ANTXR2: variants seen among roughly 807,000 people sequenced by gnomAD.
ANTXR2 encodes ANTXR cell adhesion molecule 2, also known as anthrax toxin receptor 2.
Under a neutral mutation model 73.7 loss-of-function variants are expected in ANTXR2, and 44 were observed. The observed-to-expected ratio is 0.60, with a 90% CI of 0.47 to 0.77. ANTXR2 has a LOEUF of 0.77. Among genes scored for constraint, ANTXR2 ranks in the 30% least tolerant of loss-of-function variants. The pLI is 0.00. For synonymous variants in ANTXR2, 217 were observed against 205.9 expected (o/e 1.05, Z -0.46); for missense variants, 604 against 592.5 (o/e 1.02, Z -0.20).
intron 16 of ANTXR2, among the ~76,000 whole-genome samples, chr4:79,930,286 T>A (rs1039828494): frequency 1.3e-5 from 2 of 152,126 alleles, no homozygotes; most frequent in Non-Finnish European, 2.9e-5. Context: ...TTAGGAGAAC[T>A]TATATAAGAG....
At chr4:79,927,966 A>C (rs1013814031) in intron 16 of ANTXR2, among the ~76,000 whole-genome samples, 1 of 152,228 alleles carries the variant, frequency 6.6e-6, no homozygotes, top group Non-Finnish European at 1.5e-5. Context: ...TCCTCAAAAA[A>C]TTAAACATAG....
At chr4:79,934,371 A>T (rs1728177739) in intron 16 of ANTXR2, among the ~76,000 whole-genome samples, 1 of 152,110 alleles carries the variant, frequency 6.6e-6, no homozygotes, top group African/African-American at 2.4e-5. Context: ...TACTAAAAAT[A>T]CAAAAATTAG....
In ANTXR2 at chr4:80,069,522, A is replaced by G; in HGVS notation, c.225-15T>C. On this transcript the variant is annotated splice_polypyrimidine_tract_variant and intron_variant, in intron 2 of 16. Coordinates refer to ENST00000403729, the MANE Select transcript of ANTXR2 (RefSeq NM_058172.6). Reference sequence around the variant, plus strand: ...TCATTTCAGGGCTGCAAAATAAGAAAAGAGGCAGTTAAAACATTTTTAAAA... The same window carrying G: ...TCATTTCAGGGCTGCAAAATAAGAAGAGAGGCAGTTAAAACATTTTTAAAA... 6.4e-7 allele frequency: 1 copy of G among 1,563,140 alleles called. No homozygotes were observed. Among genetic ancestry groups the G allele is most frequent in the Non-Finnish European group, 8.7e-7 (1 of 1,142,864 alleles).
In ANTXR2 at chr4:79,972,920, T is replaced by TAAAAAAAAAAAA. The variant is rs746252575; in HGVS notation, c.1428+4689_1428+4700dup. 5.8e-3 allele frequency among the ~76,000 whole-genome samples: 309 copies of TAAAAAAAAAAAA among 52,992 alleles called. 6 individuals are homozygous for TAAAAAAAAAAAA. The highest frequency in any genetic ancestry group is 0.045 in the African/African-American group (291 of 6,536). 34.8% of individuals were successfully genotyped at this position (52,992 alleles called of 152,430 possible). On this transcript the variant is annotated intron_variant, in intron 16 of 16. Coordinates refer to ENST00000403729, the MANE Select transcript of ANTXR2 (RefSeq NM_058172.6). ...ATGTACCCTAAAACTTAGAGTATAA[T>TAAAAAAAAAAAA]AAAAAAAAAAAAAAAAAAAGAATAG...
intron 16 of ANTXR2, among the ~76,000 whole-genome samples, chr4:79,928,366 G>A (rs2109956693): frequency 6.6e-6 from 1 of 152,236 alleles, no homozygotes; most frequent in Non-Finnish European, 1.5e-5. Context: ...GGACAGAATT[G>A]GGAATTATTG....
intron 3 of ANTXR2, among the ~76,000 whole-genome samples, chr4:80,065,332 C>G (rs186516631): frequency 7.2e-5 from 11 of 152,240 alleles, no homozygotes; most frequent in African/African-American, 2.6e-4. Flanking sequence ...TTTTCTCTTA[C>G]CTAACCCTAT....
Position 79,909,193 on chromosome 4 carries a change from CT to C in ANTXR2, c.1429-1727del, listed in dbSNP as rs1479963828. On this transcript the variant is annotated intron_variant, in intron 16 of 16. Transcript: ENST00000403729. The stretch of plus-strand genomic sequence containing the variant: ...CAGCAAAGATATAAATTAATGACAT[CT>C]TTTTCTTGTGTATTTGTAGACCAAA... Among the ~76,000 whole-genome samples the C allele has an allele frequency of 2.6e-5, 4 of 152,202 alleles. No individual in the cohort carries two copies. The East Asian group carries it at 5.8e-4, about 22-fold the overall frequency.
At chr4:79,962,466 T>C (rs1000879000) in intron 16 of ANTXR2, among the ~76,000 whole-genome samples, 3 of 152,132 alleles carry the variant, frequency 2.0e-5, no homozygotes, top group Non-Finnish European at 2.9e-5. Flanking sequence ...AGGCCAAAGA[T>C]AATAATAATG....
chr4:79,997,014 T>TA (rs1730761056), intron 12 of ANTXR2, among the ~76,000 whole-genome samples: 1 of 151,840 alleles, frequency 6.6e-6, no homozygotes, highest in Non-Finnish European at 1.5e-5. Flanking sequence ...ACATCTCATC[T>TA]ACTTAGCTGC....
chr4:79,913,011 A>C (rs1230624888), intron 16 of ANTXR2, among the ~76,000 whole-genome samples: 1 of 152,168 alleles, frequency 6.6e-6, no homozygotes, highest in Non-Finnish European at 1.5e-5. Flanking sequence ...TTGCTATCTT[A>C]AAAGGTAACA....
chr4:80,037,816 C>A (rs1733048654), intron 7 of ANTXR2, among the ~76,000 whole-genome samples: 1 of 152,024 alleles, frequency 6.6e-6, no homozygotes, highest in Non-Finnish European at 1.5e-5. Flanking sequence ...TTCCAACTAA[C>A]AAAAATGGAC....
chr4:80,050,757 A>C (rs1733736458), intron 7 of ANTXR2, among the ~76,000 whole-genome samples: 1 of 151,586 alleles, frequency 6.6e-6, no homozygotes, highest in Non-Finnish European at 1.5e-5. Flanking sequence ...GTGTCTCACA[A>C]GGATGACAGC....
chr4:79,997,298 A>C (rs1402475590), intron 12 of ANTXR2, among the ~76,000 whole-genome samples: 1 of 151,796 alleles, frequency 6.6e-6, no homozygotes, highest in Non-Finnish European at 1.5e-5. Flanking sequence ...CTGTAGACTA[A>C]GTAGTATTTC....
At chr4:79,936,738 C>T in intron 16 of ANTXR2, among the ~76,000 whole-genome samples, 1 of 152,174 alleles carries the variant, frequency 6.6e-6, no homozygotes, top group Admixed American at 6.5e-5. Context: ...AATTACTGCA[C>T]AATATTTAAA....
chr4:80,014,676 T>C lies in ANTXR2; in HGVS notation c.945+4222A>G, dbSNP rs141379471. On this transcript the variant is annotated intron_variant, in intron 11 of 16. Coordinates refer to ENST00000403729, the MANE Select transcript of ANTXR2 (RefSeq NM_058172.6). ...TAACTCTCAGCAGTTTTACAGACCTTGGAGGACTGTCTTTCTCAAGGCCCT... is the reference window on the plus strand; with the variant it reads ...TAACTCTCAGCAGTTTTACAGACCTCGGAGGACTGTCTTTCTCAAGGCCCT... Among the ~76,000 whole-genome samples, 675 of 152,312 alleles carry C rather than the reference T, an allele frequency of 4.4e-3. 8 individuals are homozygous for C. Among genetic ancestry groups the C allele is most frequent in the African/African-American group, 0.015 (640 of 41,568 alleles).
chr4:80,050,110 C>T (rs2110102549), intron 7 of ANTXR2, among the ~76,000 whole-genome samples: 2 of 151,870 alleles, frequency 1.3e-5, no homozygotes, highest in South Asian at 4.2e-4. Context: ...TACTGAGTTT[C>T]TTCTCTGAAT....
intron 14 of ANTXR2, among the ~76,000 whole-genome samples, chr4:79,979,574 G>C (rs1285459488): frequency 1.3e-5 from 2 of 152,072 alleles, no homozygotes; most frequent in Non-Finnish European, 2.9e-5. Context: ...TCAATTTCAA[G>C]TGGGCCCTGT....
At chr4:79,979,975 G>C (rs1729814564) in intron 14 of ANTXR2, among the ~76,000 whole-genome samples, 2 of 152,078 alleles carry the variant, frequency 1.3e-5, no homozygotes, top group Non-Finnish European at 2.9e-5. Context: ...AGAATAGACA[G>C]CTCTCTCGCC....
intron 16 of ANTXR2, among the ~76,000 whole-genome samples, chr4:79,974,926 T>G (rs1436999223): frequency 6.6e-6 from 1 of 152,238 alleles, no homozygotes; most frequent in Non-Finnish European, 1.5e-5. Flanking sequence ...TTAAATTTAT[T>G]TGATATCTAA....
Sources: allele counts gnomAD v4.1 joint callset (sites outside exome capture counted in the v4.1 genomes callset), GRCh38; gene constraint gnomAD v4.1.1; transcripts MANE v1.5; gene names NCBI Gene and HGNC (gene_info 2026-07-23, HGNC 2026-07-21).